Variants in RIMBP2 observed in about 807,000 individuals in gnomAD.
The protein encoded by RIMBP2 is RIMS binding protein 2, also known as RIMS-binding protein 2.
RIMBP2 carries 48 observed loss-of-function variants against 118.6 expected under a neutral mutation model. The observed-to-expected ratio is 0.40, with a 90% confidence interval of 0.32 to 0.51. The LOEUF is 0.51. RIMBP2 is among the 20% of genes least tolerant of loss of function. The pLI is 0.41. For missense variants in RIMBP2, 1,551 were observed against 1,768.3 expected, an observed-to-expected ratio of 0.88 and a Z score of 2.20; for synonymous variants, 762 against 742.9, an observed-to-expected ratio of 1.03 and a Z score of -0.42.
At chr12:130,550,431 C>G (rs1190772319) in intron 2 of RIMBP2, among the ~76,000 whole-genome samples, 1 of 152,170 alleles carries the variant, frequency 6.6e-6, no homozygotes, top group African/African-American at 2.4e-5. Flanking sequence ...AGGCTGAAAC[C>G]TTCAAAGTCA....
At chr12:130,545,417 TAAC>T (rs1431801833) in intron 2 of RIMBP2, among the ~76,000 whole-genome samples, 2 of 46,462 alleles carry the variant, frequency 4.3e-5, no homozygotes, top group East Asian at 2.9e-3. Flanking sequence ...TGATAAATTA[TAAC>T]ATTATAAAAT....
Position 130,428,595 on chromosome 12 carries a change from G to A in RIMBP2, c.2254-258C>T, listed in dbSNP as rs1593259955. 2.3e-5 allele frequency: 8 copies of A among 343,198 alleles called. No homozygotes were observed. In the East Asian group the frequency reaches 3.3e-4, roughly 14 times the overall value. The allele number at this position is 343,198 out of a possible 1,614,324, so 21.3% of individuals were successfully genotyped here. A position where few individuals can be genotyped will look rare whatever the true frequency, so the allele number is the denominator to read the frequency against. ...ACAGGTACAGAAACACCTGAGCTCT[G>A]GACAAGATAGAAAACCCACTGGGGC... On this transcript the variant is annotated intron_variant, in intron 14 of 22. Transcript: ENST00000690449.
intron 2 of RIMBP2, among the ~76,000 whole-genome samples, chr12:130,552,214 G>C (rs1485949185): frequency 6.6e-6 from 1 of 152,192 alleles, no homozygotes; most frequent in Non-Finnish European, 1.5e-5. Flanking sequence ...TTCACATTCT[G>C]TGGAATAATT....
intron 10 of RIMBP2, among the ~76,000 whole-genome samples, chr12:130,443,667 C>T (rs1034682962): frequency 1.3e-5 from 2 of 152,170 alleles, no homozygotes. Flanking sequence ...CAAACCTCCA[C>T]CTAGGGTGTG....
chr12:130,517,911 C>T lies in RIMBP2; in HGVS notation c.-210G>A, dbSNP rs1185602038. 2 of 984,902 alleles carry T rather than the reference C, an allele frequency of 2.0e-6. No individual in the cohort carries two copies. The highest frequency in any genetic ancestry group is 6.2e-5 in the Admixed American group (1 of 16,254). The allele number at this position is 984,902 out of a possible 1,614,324, so 61.0% of individuals were successfully genotyped here. A position where few individuals can be genotyped will look rare whatever the true frequency, so the allele number is the denominator to read the frequency against. On this transcript the variant is annotated 5_prime_UTR_variant, in exon 3 of 23. It removes an upstream start codon present in the reference 5' UTR. Coordinates refer to ENST00000690449, the MANE Select transcript of RIMBP2 (RefSeq NM_001393629.1). ...TCTCCCTGGGTGGCATCCTTCAGTTCATTTTCCTAGGACAAAAGGAAAGGA... is the reference window on the plus strand; with the variant it reads ...TCTCCCTGGGTGGCATCCTTCAGTTTATTTTCCTAGGACAAAAGGAAAGGA...
chr12:130,436,349 G>A (rs1206985590), intron 13 of RIMBP2, among the ~76,000 whole-genome samples: 1 of 152,172 alleles, frequency 6.6e-6, no homozygotes, highest in Non-Finnish European at 1.5e-5. Context: ...ACAGATGTAT[G>A]TATATACATG....
At chr12:130,595,247 G>A (rs2059484096) in intron 2 of RIMBP2, among the ~76,000 whole-genome samples, 1 of 152,178 alleles carries the variant, frequency 6.6e-6, no homozygotes, top group South Asian at 2.1e-4. Context: ...CTGCCCTGCA[G>A]CTAAACTCAG....
Position 130,436,819 on chromosome 12 carries a change from C to T in RIMBP2, c.2106+23G>A, listed in dbSNP as rs758787334. 1.2e-5 allele frequency: 17 copies of T among 1,373,972 alleles called. No individual in the cohort carries two copies. In the South Asian group the frequency reaches 2.0e-4, roughly 16 times the overall value. 85.1% of individuals were successfully genotyped at this position (1,373,972 alleles called of 1,614,324 possible). ...TGGGGTTTGGGGACTGAGGAGCCACCGAGGCGGGAGCCCCAGCCTTACCCT... is the reference window on the plus strand; with the variant it reads ...TGGGGTTTGGGGACTGAGGAGCCACTGAGGCGGGAGCCCCAGCCTTACCCT... On this transcript the variant is annotated intron_variant, in intron 13 of 22. Coordinates refer to ENST00000690449, the MANE Select transcript of RIMBP2 (RefSeq NM_001393629.1).
At position 130,496,094 on chromosome 12, in the gene RIMBP2, G is replaced by T. The variant is rs530223085; in HGVS notation, c.-4+10554C>A. ...TCCGTGCCTGTAGCCATGTGATACG[G>T]TTTGGCTGTGCCCCACCCAAATCTC... On this transcript the variant is annotated intron_variant, in intron 4 of 22. Transcript: ENST00000690449. Among the ~76,000 whole-genome samples, 11 of 152,304 alleles carry T rather than the reference G, an allele frequency of 7.2e-5. 1 individual carries two copies. In the South Asian group the frequency reaches 2.1e-3, roughly 29 times the overall value.
chr12:130,645,592 GAGCAAGCACAT>G (rs2062830960), intron 1 of RIMBP2, among the ~76,000 whole-genome samples: 1 of 152,178 alleles, frequency 6.6e-6, no homozygotes, highest in East Asian at 1.9e-4. Flanking sequence ...TCTCCCACTG[GAGCAAGCACAT>G]AGCCTGGGGG....
At chr12:130,649,264 G>T (rs1008876302) in intron 1 of RIMBP2, among the ~76,000 whole-genome samples, 1 of 110,328 alleles carries the variant, frequency 9.1e-6, no homozygotes, top group Non-Finnish European at 2.3e-5. Context: ...GGCTTGCTGC[G>T]ACGTACGTTT....
chr12:130,663,530 A>G (rs569153103), intron 1 of RIMBP2, among the ~76,000 whole-genome samples: 6 of 151,576 alleles, frequency 4.0e-5, no homozygotes, highest in Admixed American at 2.0e-4. Context: ...AGAAACATAA[A>G]TAGATGACTC....
Position 130,646,065 on chromosome 12 carries a change from GCCTCTCCACCTCCCTCACCACTTC to G in RIMBP2, c.-351-17633_-351-17610del, listed in dbSNP as rs1566421832. Among the ~76,000 whole-genome samples the G allele has an allele frequency of 1.1e-3, 87 of 79,772 alleles. 1 individual carries two copies. The highest frequency in any genetic ancestry group is 8.2e-3 in the Middle Eastern group (1 of 122). The allele number at this position is 79,772 out of a possible 152,430, so 52.3% of individuals were successfully genotyped here. On this transcript the variant is annotated intron_variant, in intron 1 of 22. Coordinates refer to ENST00000690449, the MANE Select transcript of RIMBP2 (RefSeq NM_001393629.1). ...TCCCTCTCCACCTCCCTCACCACCTGCCTCTCCACCTCCCTCACCACTTCCCTCTCCACCTCCCTCTCCACCTCC... is the reference window on the plus strand; with the variant it reads ...TCCCTCTCCACCTCCCTCACCACCTGCCTCTCCACCTCCCTCTCCACCTCC...
intron 1 of RIMBP2, among the ~76,000 whole-genome samples, chr12:130,690,238 C>T (rs11835262): frequency 0.028 from 4,203 of 152,232 alleles, 192 homozygotes; most frequent in African/African-American, 0.094. Context: ...TTTCTCAGGG[C>T]CCACCATGCC....
chr12:130,671,238 T>C (rs1457146369), intron 1 of RIMBP2, among the ~76,000 whole-genome samples: 1 of 152,086 alleles, frequency 6.6e-6, no homozygotes, highest in Non-Finnish European at 1.5e-5. Context: ...AGCTTCCCAC[T>C]TTCAGACTTC....
chr12:130,559,016 T>G (rs1406404690), intron 2 of RIMBP2, among the ~76,000 whole-genome samples: 1 of 152,230 alleles, frequency 6.6e-6, no homozygotes, highest in Non-Finnish European at 1.5e-5. Context: ...TCTTCTCTTA[T>G]GCCAATACCT....
chr12:130,597,013 T>C (rs2059600926), intron 2 of RIMBP2, among the ~76,000 whole-genome samples: 3 of 152,178 alleles, frequency 2.0e-5, no homozygotes, highest in Admixed American at 2.0e-4. Context: ...TAACAATTAT[T>C]TGTGGACAAA....
chr12:130,695,286 G>A (rs375959190), intron 1 of RIMBP2, among the ~76,000 whole-genome samples: 11 of 152,072 alleles, frequency 7.2e-5, no homozygotes, highest in South Asian at 6.2e-4. Context: ...CAGCTCCCAC[G>A]CGAGCCAGGA....
intron 1 of RIMBP2, among the ~76,000 whole-genome samples, chr12:130,692,196 G>A (rs2065338391): frequency 6.6e-6 from 1 of 152,132 alleles, no homozygotes; most frequent in Non-Finnish European, 1.5e-5. Context: ...GCATTCTCGG[G>A]ACAGAAGTGG....
Sources: allele counts gnomAD v4.1 joint callset (sites outside exome capture counted in the v4.1 genomes callset), GRCh38; gene constraint gnomAD v4.1.1; transcripts MANE v1.5; gene names NCBI Gene and HGNC (gene_info 2026-07-23, HGNC 2026-07-21).